LARGE1: variants seen among roughly 807,000 people sequenced by gnomAD.
The protein encoded by LARGE1 is LARGE xylosyl- and glucuronyltransferase 1.
A neutral mutation model predicts 87.6 loss-of-function variants in LARGE1; 43 were observed. That is an observed-to-expected ratio of 0.49 (90% CI 0.38 to 0.63). The LOEUF (loss-of-function observed/expected upper bound fraction) is 0.63. Ranked by LOEUF, LARGE1 falls within the 30% of genes least tolerant of loss-of-function variation. The pLI is 0.00. For missense variants in LARGE1, 802 were observed against 1,000.2 expected (o/e 0.80, Z 2.67); for synonymous variants, 434 against 394.6 (o/e 1.10, Z -1.18).
the LARGE1 span, among the ~76,000 whole-genome samples, chr22:33,114,501 A>T: frequency 1.3e-5 from 2 of 152,346 alleles, no homozygotes; most frequent in East Asian, 1.9e-4. Context: ...TATAAATTCC[A>T]CAACACAGCT....
intron 7 of LARGE1, among the ~76,000 whole-genome samples, chr22:33,402,643 A>C (rs1406637882): frequency 6.6e-6 from 1 of 152,220 alleles, no homozygotes; most frequent in Non-Finnish European, 1.5e-5. Context: ...TGTTGGGAGA[A>C]TCAAATAAGA....
At chr22:33,152,286 C>T in the LARGE1 span, among the ~76,000 whole-genome samples, 1 of 152,210 alleles carries the variant, frequency 6.6e-6, no homozygotes, top group Non-Finnish European at 1.5e-5. Context: ...TTTGATTGAG[C>T]CCAGTGGCAT....
In LARGE1 at chr22:33,838,088, C is replaced by T. The variant is rs371409877; in HGVS notation, c.-82-76530G>A. 2.6e-4 allele frequency among the ~76,000 whole-genome samples: 39 copies of T among 152,260 alleles called. No homozygotes were observed. The East Asian group carries it at 3.5e-3, about 14-fold the overall frequency. ...TATGGACAGTGAAATTTAATTTTCACGTGCTACAGAACAGTACTCTTGTTT... is the reference window on the plus strand; with the variant it reads ...TATGGACAGTGAAATTTAATTTTCATGTGCTACAGAACAGTACTCTTGTTT... On this transcript the variant is annotated intron_variant, in intron 1 of 14. Coordinates refer to ENST00000397394, the MANE Select transcript of LARGE1 (RefSeq NM_133642.5).
intron 5 of LARGE1, among the ~76,000 whole-genome samples, chr22:33,578,243 C>A (rs1171211483): frequency 6.6e-6 from 1 of 152,018 alleles, no homozygotes; most frequent in Non-Finnish European, 1.5e-5. Flanking sequence ...AAAATGTCAC[C>A]CTTAAAAAGT....
At chr22:33,604,696 C>G (rs764304730) in intron 4 of LARGE1, 138 bp from the exon 5 acceptor site, 48 of 1,176,314 alleles carry the variant, frequency 4.1e-5, no homozygotes, top group Non-Finnish European at 5.2e-5. Flanking sequence ...TGGAATGTTA[C>G]GAAAACAGTG....
intron 5 of LARGE1, among the ~76,000 whole-genome samples, chr22:33,568,420 C>T (rs536790307): frequency 2.6e-5 from 4 of 152,210 alleles, no homozygotes; most frequent in South Asian, 2.1e-4. Flanking sequence ...CTCACACAAC[C>T]GAGTCATACA....
chr22:33,661,060 G>A (rs2081108578), intron 2 of LARGE1, among the ~76,000 whole-genome samples: 1 of 151,688 alleles, frequency 6.6e-6, no homozygotes, highest in South Asian at 2.1e-4. Context: ...AGACCCACAT[G>A]GGATGATTTT....
In LARGE1 at chr22:33,264,084, T is replaced by G. The variant is rs565768737; in HGVS notation, c.1730+40145A>C. ...TGAAGCATAGCAAGGACTGCCCAAG[T>G]GCTTGCTAACATAATTAGCAAATCA... On this transcript the variant is annotated intron_variant, in intron 11 of 11. Transcript: ENST00000608642. Among the ~76,000 whole-genome samples, 4 of 152,352 alleles carry G rather than the reference T, an allele frequency of 2.6e-5. No individual in the cohort carries two copies. The South Asian group carries it at 8.3e-4, about 32-fold the overall frequency.
intron 1 of LARGE1, among the ~76,000 whole-genome samples, chr22:33,772,500 G>A (rs991671670): frequency 2.0e-5 from 3 of 151,954 alleles, no homozygotes; most frequent in African/African-American, 2.4e-5. Context: ...ACATGCCTCA[G>A]GGTCTTTGCA....
the LARGE1 span, among the ~76,000 whole-genome samples, chr22:33,086,601 A>G: frequency 2.5e-3 from 330 of 132,530 alleles, 4 homozygotes; most frequent in African/African-American, 9.3e-3. Context: ...TCACCAGGCT[A>G]GAGTGCAGCG....
chr22:33,340,616 C>A (rs1446403040), intron 9 of LARGE1, among the ~76,000 whole-genome samples: 1 of 151,870 alleles, frequency 6.6e-6, no homozygotes, highest in Admixed American at 6.6e-5. Context: ...CCATGGGACA[C>A]CTGTGACGGG....
intron 6 of LARGE1, among the ~76,000 whole-genome samples, chr22:33,467,798 C>T (rs1376858898): frequency 4.6e-5 from 7 of 152,132 alleles, no homozygotes; most frequent in African/African-American, 7.2e-5. Context: ...CTGGCTGCTC[C>T]GGCTCTAACA....
At chr22:33,461,903 C>T (rs1174924225) in intron 6 of LARGE1, among the ~76,000 whole-genome samples, 4 of 152,072 alleles carry the variant, frequency 2.6e-5, no homozygotes, top group Non-Finnish European at 4.4e-5. Context: ...AATGAGTCAC[C>T]TTAGAAGTCA....
chr22:33,772,236 G>A (rs2085093334), intron 1 of LARGE1, among the ~76,000 whole-genome samples: 1 of 152,214 alleles, frequency 6.6e-6, no homozygotes, highest in African/African-American at 2.4e-5. Context: ...GGGAAGCTGA[G>A]GCAGGAGAAT....
At chr22:33,865,539 T>C (rs1017886373) in intron 1 of LARGE1, among the ~76,000 whole-genome samples, 5 of 152,170 alleles carry the variant, frequency 3.3e-5, no homozygotes, top group Non-Finnish European at 7.3e-5. Context: ...GGTAGCATTG[T>C]GTTTGGGGCT....
At chr22:33,286,121 C>G (rs1364038585) in intron 12 of LARGE1, among the ~76,000 whole-genome samples, 1 of 152,218 alleles carries the variant, frequency 6.6e-6, no homozygotes, top group Non-Finnish European at 1.5e-5. Flanking sequence ...ACGAGCTCTA[C>G]TTAGCCAGTC....
chr22:33,480,695 G>C (rs1403293684), intron 6 of LARGE1, among the ~76,000 whole-genome samples: 1 of 151,934 alleles, frequency 6.6e-6, no homozygotes, highest in African/African-American at 2.4e-5. Context: ...GTGCACACTT[G>C]AAAAAACACA....
the LARGE1 span, among the ~76,000 whole-genome samples, chr22:33,092,686 A>T: frequency 7.2e-6 from 1 of 138,620 alleles, no homozygotes; most frequent in South Asian, 2.2e-4. Context: ...TTATGTTTTC[A>T]TTGTTCAGCT....
intron 2 of LARGE1, among the ~76,000 whole-genome samples, chr22:33,717,255 A>G (rs1016530528): frequency 6.6e-6 from 1 of 151,860 alleles, no homozygotes; most frequent in Non-Finnish European, 1.5e-5. Context: ...TTATTGATTC[A>G]TTTTCTTGCA....
Sources: allele counts gnomAD v4.1 joint callset (sites outside exome capture counted in the v4.1 genomes callset), GRCh38; gene constraint gnomAD v4.1.1; transcripts MANE v1.5; gene names NCBI Gene and HGNC (gene_info 2026-07-23, HGNC 2026-07-21).